Variants in NUP188 observed in about 807,000 individuals in gnomAD.
The protein encoded by NUP188 is nucleoporin 188.
In NUP188, 97 loss-of-function variants were observed where a neutral mutation model predicts 223.0. That is an observed-to-expected ratio of 0.43 (90% CI 0.37 to 0.51). The LOEUF is 0.51. NUP188 is among the 20% of genes least tolerant of loss of function. The pLI is 0.00. For synonymous variants in NUP188, 869 were observed against 828.0 expected, an observed-to-expected ratio of 1.05 and a Z score of -0.85; for missense variants, 1,947 against 2,175.6, an observed-to-expected ratio of 0.89 and a Z score of 2.09.
chr9:128,961,373 G>A (rs547943178), intron 8 of NUP188, among the ~76,000 whole-genome samples: 4 of 148,228 alleles, frequency 2.7e-5, no homozygotes, highest in Admixed American at 6.7e-5. Context: ...TTAGCTGAGC[G>A]TGGTGGCACG....
intron 4 of NUP188, 67 bp from the exon 5 acceptor site, chr9:128,956,885 C>CT: frequency 9.0e-7 from 1 of 1,115,528 alleles, no homozygotes. Flanking sequence ...GAAGACAAAT[C>CT]TTTAAATTCT....
intron 2 of NUP188, 59 bp downstream of exon 2, chr9:128,949,302 A>G (rs1841742492): frequency 3.2e-6 from 4 of 1,232,864 alleles, no homozygotes; most frequent in Non-Finnish European, 4.7e-6. Context: ...TTTGTTACCA[A>G]AAAAAACCTT....
chr9:129,002,767 G>T, intron 36 of NUP188, 50 bp from the exon 37 acceptor site: 1 of 1,581,268 alleles, frequency 6.3e-7, no homozygotes, highest in Non-Finnish European at 8.6e-7. Context: ...CTACAAGGAG[G>T]TCCTGCCTCT....
chr9:128,961,237 G>A (rs1354023095), intron 8 of NUP188, among the ~76,000 whole-genome samples: 2 of 152,052 alleles, frequency 1.3e-5, no homozygotes, highest in Admixed American at 1.3e-4. Context: ...GGCTAAGGCA[G>A]GAGAATTGCT....
In NUP188 at chr9:129,005,139, T is replaced by C. The variant is rs779993315; in HGVS notation, c.4435-8T>C. ...AGAATCCGCTCATCTCTCCTGTGTC[T>C]CTCCCAGGTCAACCTGGGTTACTTG... On this transcript the variant is annotated splice_polypyrimidine_tract_variant and splice_region_variant and intron_variant, in intron 38 of 43. Coordinates refer to ENST00000372577, the MANE Select transcript of NUP188 (RefSeq NM_015354.3). The C allele has an allele frequency of 3.1e-6, 5 of 1,611,962 alleles. No individual in the cohort carries two copies. The South Asian group carries it at 4.4e-5, about 14-fold the overall frequency.
At chr9:128,992,068 G>A (rs988849732) in intron 25 of NUP188, among the ~76,000 whole-genome samples, 5 of 151,470 alleles carry the variant, frequency 3.3e-5, no homozygotes, top group South Asian at 4.2e-4. Context: ...CACTGCACCC[G>A]GCTAATTTTT....
intron 31 of NUP188, 100 bp from the exon 32 acceptor site, chr9:128,998,438 G>C: frequency 8.8e-7 from 1 of 1,136,308 alleles, no homozygotes; most frequent in Non-Finnish European, 1.3e-6. Flanking sequence ...ACTCCTGTGA[G>C]CTCACTGCTG....
intron 30 of NUP188, among the ~76,000 whole-genome samples, chr9:128,996,370 G>A (rs1842526568): frequency 6.6e-6 from 1 of 152,028 alleles, no homozygotes; most frequent in South Asian, 2.1e-4. Context: ...GGCTGGTCTC[G>A]AACTCCTGAC....
Position 128,973,173 on chromosome 9 carries a change from C to T in NUP188, c.1127C>T (p.Thr376Ile), listed in dbSNP as rs1392537399. 4.3e-6 allele frequency: 7 copies of T among 1,612,498 alleles called. No individual in the cohort carries two copies. In the African/African-American group the frequency reaches 6.7e-5, roughly 15 times the overall value. The stretch of plus-strand genomic sequence containing the variant: ...TTGTCATTCCAGTGCACCACCAGCA[C>T]TGCATGCATGTGTGTCTATGGACTG... Reference protein sequence around the residue: ...ASGGNDCTTSTACMCVYGLLS... With the variant: ...ASGGNDCTTSIACMCVYGLLS... The change falls in exon 12 of 44, where the codon ACT (threonine) becomes ATT (isoleucine). Residue 376 changes from threonine (T) to isoleucine (I), a missense_variant. Coordinates refer to ENST00000372577, the MANE Select transcript of NUP188 (RefSeq NM_015354.3).
intron 34 of NUP188, 145 bp downstream of exon 34, chr9:128,999,950 A>G (rs1268394169): frequency 1.7e-5 from 12 of 723,876 alleles, no homozygotes; most frequent in African/African-American, 1.2e-4. Flanking sequence ...TAGATCAGAC[A>G]CTGCAGAAAA....
rs200874501 is a variant in NUP188 at position 129,005,641 on chromosome 9, G to A, written c.4738-4G>A. On this transcript the variant is annotated splice_polypyrimidine_tract_variant and splice_region_variant and intron_variant, in intron 40 of 43. Coordinates refer to ENST00000372577, the MANE Select transcript of NUP188 (RefSeq NM_015354.3). The stretch of plus-strand genomic sequence containing the variant: ...TCCTGGATGGCTCTTGTCTTTTCTC[G>A]CAGTCCCTGGACCTTGCTGAATACA... The A allele has an allele frequency of 5.1e-5, 82 of 1,612,712 alleles. No individual in the cohort carries two copies. The highest frequency in any genetic ancestry group is 1.4e-5 in the Non-Finnish European group (17 of 1,179,302).
Position 128,986,672 on chromosome 9 carries a change from C to G in NUP188, c.2191C>G (p.Gln731Glu), listed in dbSNP as rs1343994108. Residue 731 changes from glutamine to glutamate, a missense_variant, in exon 21 of 44, where the codon CAG (glutamine) becomes GAG (glutamate). By Grantham distance (29) the Gln-to-Glu change is conservative. Transcript: ENST00000372577. Reference protein sequence around the residue: ...WRYNSHGVREQIGCLILELIH... With the variant: ...WRYNSHGVREEIGCLILELIH... ...CTACAACTCTCATGGAGTGAGGGAACAGATTGGTAAGGACAGCATGGGCAG... is the reference window on the plus strand; with the variant it reads ...CTACAACTCTCATGGAGTGAGGGAAGAGATTGGTAAGGACAGCATGGGCAG... 2.5e-6 allele frequency: 4 copies of G among 1,614,034 alleles called. No individual in the cohort carries two copies. In the African/African-American group the frequency reaches 5.3e-5, roughly 22 times the overall value.
intron 8 of NUP188, among the ~76,000 whole-genome samples, chr9:128,962,748 G>A (rs1357064455): frequency 2.0e-5 from 3 of 152,138 alleles, no homozygotes; most frequent in Non-Finnish European, 4.4e-5. Flanking sequence ...GATTATAGGT[G>A]TGAGCCATTA....
rs1209761465 is a variant in NUP188 at position 128,959,137 on chromosome 9, A to T, written c.585+3A>T. The stretch of plus-strand genomic sequence containing the variant: ...GGGAGACACATGGAAATCTCATGGT[A>T]TGTGGTTACTGTGCTCTCCTGTAAC... On this transcript the variant is annotated splice_donor_region_variant and intron_variant, in intron 8 of 43. Transcript: ENST00000372577. 1.3e-6 allele frequency: 2 copies of T among 1,585,750 alleles called. No homozygotes were observed. Among genetic ancestry groups the T allele is most frequent in the East Asian group, 4.5e-5 (2 of 44,200 alleles).
chr9:129,005,068 G>T, intron 38 of NUP188, 79 bp from the exon 39 acceptor site: 2 of 954,854 alleles, frequency 2.1e-6, no homozygotes, highest in South Asian at 1.3e-5. Context: ...GTGTTACATG[G>T]AGGGCTATTG....
At chr9:129,002,304 A>G (rs959858950) in intron 36 of NUP188, among the ~76,000 whole-genome samples, 1 of 152,224 alleles carries the variant, frequency 6.6e-6, no homozygotes, top group Admixed American at 6.5e-5. Context: ...TCCCAAAGAC[A>G]GTGTGTCATT....
rs745918158 is a variant in NUP188, at chr9:128,977,117, A to AT, written c.1204-2124dup. 6.9e-3 allele frequency among the ~76,000 whole-genome samples: 860 copies of AT among 124,982 alleles called. 9 individuals carry two copies. The highest frequency in any genetic ancestry group is 0.014 in the African/African-American group (463 of 32,892). 82.0% of individuals were successfully genotyped at this position (124,982 alleles called of 152,430 possible). A position where few individuals can be genotyped will look rare whatever the true frequency, so the allele number is the denominator to read the frequency against. ...GAGTTGCAGGAGTCCTGGTACTTGG[A>AT]TTTTTTTTTTTTTTTTTTTTTAGAC... is the stretch of plus-strand genomic sequence containing the variant. On this transcript the variant is annotated intron_variant, in intron 12 of 43. Transcript: ENST00000372577.
intron 25 of NUP188, among the ~76,000 whole-genome samples, chr9:128,990,830 A>T (rs948968603): frequency 6.6e-6 from 1 of 152,142 alleles, no homozygotes; most frequent in South Asian, 2.1e-4. Context: ...GCGCCACTGC[A>T]CTCCAGCCTG....
rs761821232 is a variant in NUP188, at chr9:128,958,995, A to G, written c.466-20A>G. ...TTACCTTTTATTCTAGGTATAATTT[A>G]CTCTTTTGATTTTTTAAAGGTTGAA... On this transcript the variant is annotated intron_variant, in intron 7 of 43. Coordinates refer to ENST00000372577, the MANE Select transcript of NUP188 (RefSeq NM_015354.3). 3.3e-6 allele frequency: 5 copies of G among 1,502,086 alleles called. No individual in the cohort carries two copies. Among genetic ancestry groups the G allele is most frequent in the Non-Finnish European group, 4.5e-6 (5 of 1,105,058 alleles). The allele number at this position is 1,502,086 out of a possible 1,614,324, so 93.0% of individuals were successfully genotyped here.
Sources: allele counts gnomAD v4.1 joint callset (sites outside exome capture counted in the v4.1 genomes callset), GRCh38; gene constraint gnomAD v4.1.1; transcripts MANE v1.5; gene names NCBI Gene and HGNC (gene_info 2026-07-23, HGNC 2026-07-21).